The following RTTN variants were observed in gnomAD, a reference collection of about 807,000 sequenced individuals.
RTTN encodes rotatin.
A neutral mutation model predicts 269.2 loss-of-function variants in RTTN; 182 were observed. The ratio of observed to expected loss-of-function variants is 0.68; its 90% CI spans 0.60 to 0.76. RTTN has a LOEUF of 0.76. Among genes scored for constraint, RTTN ranks in the 30% least tolerant of loss-of-function variants. The pLI, the probability that RTTN is intolerant of heterozygous loss-of-function variation, is 0.00. For synonymous variants in RTTN, 1,006 were observed against 963.5 expected (o/e 1.04, Z -0.82); for missense variants, 2,545 against 2,608.6 (o/e 0.98, Z 0.53).
intron 26 of RTTN, among the ~76,000 whole-genome samples, chr18:70,115,730 G>A (rs2059588730): frequency 6.6e-6 from 1 of 151,960 alleles, no homozygotes; most frequent in Non-Finnish European, 1.5e-5. Context: ...ACTAGTGCAT[G>A]TAAAAACATA....
At chr18:70,058,472 C>T (rs1215747062) in intron 36 of RTTN, among the ~76,000 whole-genome samples, 7 of 152,152 alleles carry the variant, frequency 4.6e-5, no homozygotes, top group Non-Finnish European at 8.8e-5. Context: ...GAGCCGAGAT[C>T]GCGCCACTGC....
At chr18:70,052,748 T>G (rs2057710636) in intron 38 of RTTN, among the ~76,000 whole-genome samples, 1 of 151,132 alleles carries the variant, frequency 6.6e-6, no homozygotes, top group Admixed American at 6.6e-5. Flanking sequence ...TTAAAACTTA[T>G]TTTTTTCAGA....
intron 46 of RTTN, among the ~76,000 whole-genome samples, chr18:70,012,409 T>C: frequency 7.9e-6 from 1 of 127,058 alleles, no homozygotes. Context: ...CGTCTGCTCC[T>C]GGTATTGGTT....
At chr18:70,092,043 G>A (rs566537979) in intron 30 of RTTN, 67 bp downstream of exon 30, 96 of 983,752 alleles carry the variant, frequency 9.8e-5, no homozygotes, top group East Asian at 5.3e-4. Context: ...ATGAGCCACC[G>A]CACCTGGCCC....
chr18:70,128,460 A>C lies in RTTN; in HGVS notation c.3041T>G (p.Leu1014Trp). 1 of 1,613,310 alleles carries C rather than the reference A, an allele frequency of 6.2e-7. No individual in the cohort carries two copies. Among genetic ancestry groups the C allele is most frequent in the Non-Finnish European group, 8.5e-7 (1 of 1,179,516 alleles). Residue 1014 changes from leucine (L) to tryptophan (W), a missense_variant, in exon 24 of 49, where the codon TTG becomes TGG. Transcript: ENST00000640769. ...VLPLSADCLALKPVSDMLRIA... is the reference protein window; with the variant it reads ...VLPLSADCLAWKPVSDMLRIA... The stretch of plus-strand genomic sequence containing the variant: ...TCTCAGCATATCTGACACCGGCTTC[A>C]AGGCCAAACAATCAGCAGATAAGGG...
rs2145418205 is a variant in RTTN, at chr18:70,003,608, A to G, written c.*543T>C. On this transcript the variant is annotated 3_prime_UTR_variant, in exon 49 of 49. Transcript: ENST00000640769. ...ACAAATAATGCACACTTACTTCTAC[A>G]TAGCCCTTTTCCAGTGTGGATGCTC... is the stretch of plus-strand genomic sequence containing the variant. The G allele has an allele frequency of 6.6e-6, 1 of 152,378 alleles. No individual in the cohort carries two copies. The highest frequency in any genetic ancestry group is 1.9e-4 in the East Asian group (1 of 5,168). 9.4% of individuals were successfully genotyped at this position (152,378 alleles called of 1,614,324 possible). A position where few individuals can be genotyped will look rare whatever the true frequency, so the allele number is the denominator to read the frequency against.
At chr18:70,191,523 T>C (rs933682769) in intron 8 of RTTN, among the ~76,000 whole-genome samples, 2 of 152,194 alleles carry the variant, frequency 1.3e-5, no homozygotes, top group African/African-American at 4.8e-5. Context: ...TTCGACATCA[T>C]GTAGTGACTT....
intron 25 of RTTN, among the ~76,000 whole-genome samples, 186 bp from the exon 26 acceptor site, chr18:70,121,886 A>C (rs1265091836): frequency 6.6e-6 from 1 of 152,230 alleles, no homozygotes; most frequent in South Asian, 2.1e-4. Context: ...ACATGAGCTT[A>C]TAGTGGAAAA....
chr18:70,012,405 C>A (rs1297416611), intron 46 of RTTN, among the ~76,000 whole-genome samples: 1 of 136,846 alleles, frequency 7.3e-6, no homozygotes, highest in Admixed American at 7.6e-5. Context: ...GCAGCGTCTG[C>A]TCCTGGTATT....
At chr18:70,035,267 C>A (rs1204065041) in intron 40 of RTTN, among the ~76,000 whole-genome samples, 1 of 152,004 alleles carries the variant, frequency 6.6e-6, no homozygotes. Context: ...CAATTCTAAG[C>A]AAAAAGAAAA....
chr18:70,095,187 T>C (rs1022829702), intron 28 of RTTN, among the ~76,000 whole-genome samples: 1 of 152,050 alleles, frequency 6.6e-6, no homozygotes, highest in Non-Finnish European at 1.5e-5. Context: ...TTCAAACTTA[T>C]GTGTGTCTTG....
chr18:70,060,701 C>T (rs563245633), intron 35 of RTTN, among the ~76,000 whole-genome samples: 9 of 152,236 alleles, frequency 5.9e-5, no homozygotes, highest in African/African-American at 1.9e-4. Flanking sequence ...AACACTAGAT[C>T]TTATTCCTCC....
intron 37 of RTTN, among the ~76,000 whole-genome samples, chr18:70,056,123 C>T (rs1410328176): frequency 6.6e-6 from 1 of 152,204 alleles, no homozygotes; most frequent in African/African-American, 2.4e-5. Flanking sequence ...GGCACAGACT[C>T]TACGTGAGGA....
At chr18:70,030,578 T>G (rs531233730) in intron 41 of RTTN, among the ~76,000 whole-genome samples, 55 of 152,292 alleles carry the variant, frequency 3.6e-4, no homozygotes, top group African/African-American at 1.3e-3. Context: ...ATAGTAATAT[T>G]TAATTATAAT....
chr18:70,173,508 A>G lies in RTTN; in HGVS notation c.1476+3167T>C, dbSNP rs1042654768. Among the ~76,000 whole-genome samples the G allele has an allele frequency of 1.8e-4, 27 of 151,906 alleles. No homozygotes were observed. The East Asian group carries it at 3.1e-3, about 17-fold the overall frequency. ...CTCCAACTCAAAAAAAAAAAAAAAAAAAAGAAAATAGAGTTTGGACTATAT... is the reference window on the plus strand; with the variant it reads ...CTCCAACTCAAAAAAAAAAAAAAAAGAAAGAAAATAGAGTTTGGACTATAT... On this transcript the variant is annotated intron_variant, in intron 11 of 48. Coordinates refer to ENST00000640769, the MANE Select transcript of RTTN (RefSeq NM_173630.4).
At position 70,140,186 on chromosome 18, in the gene RTTN, T is replaced by C; in HGVS notation, c.2584A>G (p.Ile862Val). The change falls in exon 20 of 49, where the codon ATT becomes GTT. Residue 862 changes from isoleucine (I) to valine (V), a missense_variant and splice_region_variant. Coordinates refer to ENST00000640769, the MANE Select transcript of RTTN (RefSeq NM_173630.4). ...TTTTTCACCACAGCATGCATTTTAATATCTGTAGATAAAAAAAGTTACTAA... is the reference window on the plus strand; with the variant it reads ...TTTTTCACCACAGCATGCATTTTAACATCTGTAGATAAAAAAAGTTACTAA... ...AEQLAVIMQD[I>V]KMHAVVKKLC... is the part of the protein sequence containing the mutation. The C allele has an allele frequency of 2.0e-6, 3 of 1,533,042 alleles. No individual in the cohort carries two copies. Among genetic ancestry groups the C allele is most frequent in the Non-Finnish European group, 2.7e-6 (3 of 1,112,060 alleles). 95.0% of individuals were successfully genotyped at this position (1,533,042 alleles called of 1,614,324 possible).
intron 40 of RTTN, among the ~76,000 whole-genome samples, chr18:70,041,395 C>CAT (rs1299084920): frequency 6.6e-6 from 1 of 151,514 alleles, no homozygotes; most frequent in Non-Finnish European, 1.5e-5. Flanking sequence ...CACACACACA[C>CAT]ACACACAAGC....
chr18:70,005,788 A>C (rs73970808), intron 47 of RTTN: 2,532 of 154,002 alleles, frequency 0.016, 72 homozygotes, highest in African/African-American at 0.057. Flanking sequence ...CAGTCAGCTG[A>C]GAGAACACCA....
chr18:70,062,174 A>G (rs2058006668), intron 35 of RTTN, among the ~76,000 whole-genome samples: 1 of 152,198 alleles, frequency 6.6e-6, no homozygotes, highest in South Asian at 2.1e-4. Flanking sequence ...TCTCACTTCA[A>G]TGCTATTCAT....
Sources: allele counts gnomAD v4.1 joint callset (sites outside exome capture counted in the v4.1 genomes callset), GRCh38; gene constraint gnomAD v4.1.1; transcripts MANE v1.5; gene names NCBI Gene and HGNC (gene_info 2026-07-23, HGNC 2026-07-21).